The following SPEF2 variants were observed in gnomAD, a reference collection of about 807,000 sequenced individuals.
SPEF2 encodes the protein sperm flagella and cilia-associated protein 2.
SPEF2 carries 187 observed loss-of-function variants against 224.6 expected under a neutral mutation model. The ratio of observed to expected loss-of-function variants is 0.83; its 90% CI spans 0.74 to 0.94. SPEF2 has a LOEUF of 0.94. SPEF2 is among the 40% of genes least tolerant of loss of function. SPEF2 has a pLI of 0.00. For missense variants in SPEF2, 2,170 were observed against 2,135.6 expected (o/e 1.02, Z -0.32); for synonymous variants, 715 against 707.3 (o/e 1.01, Z -0.17).
Position 35,777,962 on chromosome 5 carries a change from T to G in SPEF2, c.4218-1155T>G, listed in dbSNP as rs540456775. On this transcript the variant is annotated intron_variant, in intron 29 of 36. Coordinates refer to ENST00000356031, the MANE Select transcript of SPEF2 (RefSeq NM_024867.4). ...TAAACTCAGCAGCTATCCAGTGACC[T>G]CCTCTGTCCCCGAGCACGCAACCAC... Among the ~76,000 whole-genome samples, 4 of 152,234 alleles carry G rather than the reference T, an allele frequency of 2.6e-5. No homozygotes were observed. In the South Asian group the frequency reaches 8.3e-4, roughly 32 times the overall value.
chr5:35,650,690 C>G (rs1748062856), intron 6 of SPEF2, among the ~76,000 whole-genome samples: 1 of 152,244 alleles, frequency 6.6e-6, no homozygotes. Flanking sequence ...GCACCAGTAT[C>G]CATGTCTATT....
chr5:35,788,218 G>A (rs1167189678), intron 30 of SPEF2: 9 of 702,800 alleles, frequency 1.3e-5, no homozygotes, highest in Non-Finnish European at 2.1e-5. Context: ...TGAGGACCAT[G>A]AGCAAAGTAA....
intron 2 of SPEF2, among the ~76,000 whole-genome samples, chr5:35,637,897 T>G (rs1435310999): frequency 1.3e-5 from 2 of 152,180 alleles, no homozygotes; most frequent in Non-Finnish European, 2.9e-5. Context: ...TTTTTGTGAT[T>G]TCTCAGGAGT....
chr5:35,709,998 A>T (rs1221925362), intron 19 of SPEF2: 7 of 981,910 alleles, frequency 7.1e-6, no homozygotes, highest in Admixed American at 6.2e-5. Flanking sequence ...CTTAATTTTT[A>T]AAATTAAACT....
intron 21 of SPEF2, among the ~76,000 whole-genome samples, chr5:35,733,099 G>T (rs947000980): frequency 6.6e-4 from 98 of 149,358 alleles, no homozygotes; most frequent in African/African-American, 2.5e-3. Context: ...TACAACACAG[G>T]TTTTTTTTTG....
chr5:35,802,834 C>G (rs1476818013), intron 34 of SPEF2, among the ~76,000 whole-genome samples: 1 of 152,090 alleles, frequency 6.6e-6, no homozygotes, highest in Non-Finnish European at 1.5e-5. Context: ...ACTGCAGGGA[C>G]CTTAGCTTTA....
chr5:35,743,227 G>T (rs1346960965), intron 23 of SPEF2, among the ~76,000 whole-genome samples: 1 of 151,754 alleles, frequency 6.6e-6, no homozygotes, highest in Admixed American at 6.6e-5. Flanking sequence ...AGAAAATAAA[G>T]CTGAGGAAAG....
At chr5:35,697,626 C>T (rs1412096237) in intron 14 of SPEF2, 64 bp from the exon 15 acceptor site, 29 of 1,342,674 alleles carry the variant, frequency 2.2e-5, no homozygotes, top group Non-Finnish European at 2.8e-5. Context: ...AACTTTTCCT[C>T]CAAATGTTTG....
intron 21 of SPEF2, among the ~76,000 whole-genome samples, chr5:35,728,130 A>G (rs904417372): frequency 9.2e-5 from 14 of 152,216 alleles, no homozygotes; most frequent in Non-Finnish European, 4.4e-5. Context: ...CTTCCCCAGA[A>G]CACATATCCA....
At chr5:35,806,384 A>G (rs1467841430) in intron 34 of SPEF2, among the ~76,000 whole-genome samples, 1 of 152,238 alleles carries the variant, frequency 6.6e-6, no homozygotes, top group Non-Finnish European at 1.5e-5. Context: ...CTTGTTTAAA[A>G]TCTATATACA....
At chr5:35,721,128 T>A (rs1743584948) in intron 20 of SPEF2, among the ~76,000 whole-genome samples, 1 of 152,196 alleles carries the variant, frequency 6.6e-6, no homozygotes, top group African/African-American at 2.4e-5. Flanking sequence ...CTTTTTGGAA[T>A]TTAGTTAATA....
At chr5:35,727,533 T>C (rs1406166570) in intron 20 of SPEF2, 142 bp from the exon 21 acceptor site, 2 of 624,230 alleles carry the variant, frequency 3.2e-6, no homozygotes, top group Non-Finnish European at 5.3e-6. Flanking sequence ...AGAATAAGGA[T>C]TTTTTGTAAG....
chr5:35,653,688 T>C (rs1748519100), intron 6 of SPEF2, among the ~76,000 whole-genome samples: 1 of 152,158 alleles, frequency 6.6e-6, no homozygotes, highest in East Asian at 1.9e-4. Context: ...GACTCACGCC[T>C]GTAATCCCAG....
intron 10 of SPEF2, among the ~76,000 whole-genome samples, chr5:35,674,493 C>T (rs189299568): frequency 6.6e-6 from 1 of 151,326 alleles, no homozygotes; most frequent in East Asian, 1.9e-4. Context: ...CGTCATTTAA[C>T]ATTAGGTATA....
chr5:35,666,490 G>T (rs367982903), intron 8 of SPEF2, among the ~76,000 whole-genome samples: 1 of 117,334 alleles, frequency 8.5e-6, no homozygotes, highest in Non-Finnish European at 1.7e-5. Flanking sequence ...GCCATCAGTT[G>T]TTAAGGCTGT....
chr5:35,705,157 T>C (rs1192203657), intron 17 of SPEF2, among the ~76,000 whole-genome samples: 1 of 152,082 alleles, frequency 6.6e-6, no homozygotes, highest in African/African-American at 2.4e-5. Context: ...TAATTTGAGC[T>C]ACATTAAGGC....
intron 33 of SPEF2, among the ~76,000 whole-genome samples, chr5:35,796,927 G>A (rs1490252164): frequency 6.6e-6 from 1 of 152,140 alleles, no homozygotes; most frequent in Non-Finnish European, 1.5e-5. Flanking sequence ...AGTATTTTGT[G>A]TGTTGTTGTT....
intron 10 of SPEF2, among the ~76,000 whole-genome samples, chr5:35,688,839 A>G (rs1366390503): frequency 6.6e-6 from 1 of 152,228 alleles, no homozygotes; most frequent in Non-Finnish European, 1.5e-5. Flanking sequence ...AGTATATGCT[A>G]CATAGTATGC....
rs528892977 is a variant in SPEF2, at chr5:35,646,775, C to CA, written c.700dup (p.Met234AsnfsTer13). 3.7e-6 allele frequency: 6 copies of CA among 1,613,172 alleles called. No individual in the cohort carries two copies. Among genetic ancestry groups the CA allele is most frequent in the Non-Finnish European group, 5.1e-6 (6 of 1,179,684 alleles). On this transcript the variant is annotated frameshift_variant, in exon 5 of 37. Coordinates refer to ENST00000356031, the MANE Select transcript of SPEF2 (RefSeq NM_024867.4). LOFTEE classifies it high-confidence loss of function. The stretch of plus-strand genomic sequence containing the variant: ...TCGTACTTTGAAAGCACTCGAGGCC[C>CA]AAAAAATGATGAAAAAGAAAAAAGA...
Sources: allele counts gnomAD v4.1 joint callset (sites outside exome capture counted in the v4.1 genomes callset), GRCh38; gene constraint gnomAD v4.1.1; transcripts MANE v1.5; gene names NCBI Gene and HGNC (gene_info 2026-07-23, HGNC 2026-07-21).